The following CHP1 variants were observed in gnomAD, a reference collection of about 807,000 sequenced individuals.
The protein encoded by CHP1 is calcineurin like EF-hand protein 1, also known as calcineurin B homologous protein 1.
Under a neutral mutation model 27.4 loss-of-function variants are expected in CHP1, and 11 were observed. The observed-to-expected ratio is 0.40, with a 90% confidence interval of 0.25 to 0.67. CHP1 has a LOEUF of 0.67. CHP1 is among the 30% of genes least tolerant of loss of function. The probability of loss-of-function intolerance (pLI) is 0.38; values close to 1 mark genes in which losing one functional copy is unlikely to be tolerated. For missense variants in CHP1, 169 were observed against 251.3 expected, an observed-to-expected ratio of 0.67 and a Z score of 2.22; for synonymous variants, 89 against 87.4, an observed-to-expected ratio of 1.02 and a Z score of -0.10.
chr15:41,277,903 C>T (rs2140945168), intron 5 of CHP1, among the ~76,000 whole-genome samples: 1 of 151,934 alleles, frequency 6.6e-6, no homozygotes, highest in Admixed American at 6.5e-5. Context: ...CTGCAGTGAG[C>T]CACATTCGCA....
intron 4 of CHP1, among the ~76,000 whole-genome samples, chr15:41,268,955 G>A (rs2047475461): frequency 6.6e-6 from 1 of 151,910 alleles, no homozygotes. Flanking sequence ...GCAAGACTCT[G>A]TCTCAACAAC....
chr15:41,242,429 C>T (rs2047311375), intron 1 of CHP1, among the ~76,000 whole-genome samples: 1 of 152,178 alleles, frequency 6.6e-6, no homozygotes, highest in South Asian at 2.1e-4. Context: ...CCTGAAACAG[C>T]AAACTGATCA....
intron 3 of CHP1, among the ~76,000 whole-genome samples, chr15:41,262,041 C>T (rs968353297): frequency 4.8e-5 from 7 of 146,548 alleles, no homozygotes; most frequent in Non-Finnish European, 9.0e-5. Context: ...TGGTGGCGGG[C>T]GTCTGTAGTT....
At chr15:41,248,400 G>A (rs2047347160) in intron 2 of CHP1, among the ~76,000 whole-genome samples, 1 of 152,048 alleles carries the variant, frequency 6.6e-6, no homozygotes, top group Admixed American at 6.6e-5. Context: ...AGGTATTCAA[G>A]GTAGCTTGGT....
At chr15:41,238,742 C>T (rs150881880) in intron 1 of CHP1, among the ~76,000 whole-genome samples, 2,157 of 151,536 alleles carry the variant, frequency 0.014, 62 homozygotes, top group African/African-American at 0.05. Flanking sequence ...GTCGCAGCTA[C>T]TCAGGAGGCT....
intron 5 of CHP1, among the ~76,000 whole-genome samples, chr15:41,277,989 A>G (rs1050677070): frequency 5.3e-5 from 8 of 151,710 alleles, no homozygotes; most frequent in Non-Finnish European, 1.2e-4. Context: ...ACTTACATCT[A>G]AACATGGAAA....
In CHP1 at chr15:41,266,730, G is replaced by A. The variant is rs576337824; in HGVS notation, c.350-3827G>A. On this transcript the variant is annotated intron_variant, in intron 4 of 6. Coordinates refer to ENST00000334660, the MANE Select transcript of CHP1 (RefSeq NM_007236.5). ...AAAAGAAAATTCTGAGGCCGGGAGC[G>A]GTGGCTCACACCTGTAATCCCAGCA... Among the ~76,000 whole-genome samples the A allele has an allele frequency of 1.2e-3, 178 of 152,230 alleles. 6 individuals are homozygous for A. The South Asian group carries it at 0.035, about 30-fold the overall frequency.
At chr15:41,278,161 T>A (rs1360362481) in intron 5 of CHP1, among the ~76,000 whole-genome samples, 1 of 151,710 alleles carries the variant, frequency 6.6e-6, no homozygotes, top group Non-Finnish European at 1.5e-5. Flanking sequence ...ACCCCATCTC[T>A]ACTAAAAATA....
chr15:41,242,067 T>C (rs914252405), intron 1 of CHP1, among the ~76,000 whole-genome samples: 6 of 152,218 alleles, frequency 3.9e-5, no homozygotes, highest in Non-Finnish European at 8.8e-5. Flanking sequence ...TGCCTCATTT[T>C]AATTGTCAAC....
At chr15:41,262,725 T>C in intron 3 of CHP1, 31 bp from the exon 4 acceptor site, 1 of 1,608,596 alleles carries the variant, frequency 6.2e-7, no homozygotes, top group Non-Finnish European at 8.5e-7. Flanking sequence ...GTGATTGACA[T>C]GGTGTTGTGT....
intron 1 of CHP1, among the ~76,000 whole-genome samples, chr15:41,236,079 CT>C (rs11292013): frequency 0.49 from 67,511 of 138,240 alleles, 16,866 homozygotes; most frequent in African/African-American, 0.7. Flanking sequence ...ACCCTAAGAA[CT>C]TTTTTTTTTT....
rs1054367859 is a variant in CHP1, at chr15:41,231,323, T to C, written c.-60T>C. On this transcript the variant is annotated 5_prime_UTR_variant, in exon 1 of 7. Coordinates refer to ENST00000334660, the MANE Select transcript of CHP1 (RefSeq NM_007236.5). ...CCCTAGCCCTTCCTTCCCTCCCTCC[T>C]TCCCTCCTGTCGCCGTCTCTTCTGG... 1 of 1,494,630 alleles carries C rather than the reference T, an allele frequency of 6.7e-7. No homozygotes were observed. The highest frequency in any genetic ancestry group is 2.4e-5 in the East Asian group (1 of 41,608). 92.6% of individuals were successfully genotyped at this position (1,494,630 alleles called of 1,614,324 possible).
At chr15:41,244,309 G>A (rs1595472450) in intron 2 of CHP1, among the ~76,000 whole-genome samples, 2 of 151,864 alleles carry the variant, frequency 1.3e-5, no homozygotes, top group Non-Finnish European at 2.9e-5. Flanking sequence ...TTCTAGGAAT[G>A]TATTTTTAAG....
At chr15:41,278,979 A>T in intron 6 of CHP1, 90 bp downstream of exon 6, 1 of 1,516,604 alleles carries the variant, frequency 6.6e-7, no homozygotes. Context: ...TTAGGAGGCC[A>T]AGGTGGGCGG....
chr15:41,271,254 CA>C (rs143070752), intron 5 of CHP1, among the ~76,000 whole-genome samples: 11,760 of 75,638 alleles, frequency 0.16, 689 homozygotes, highest in South Asian at 0.28. Context: ...GATTCCGTCT[CA>C]AAAAAAAAAA....
chr15:41,268,529 C>T (rs1444590911), intron 4 of CHP1, among the ~76,000 whole-genome samples: 1 of 151,864 alleles, frequency 6.6e-6, no homozygotes, highest in Non-Finnish European at 1.5e-5. Flanking sequence ...CCTATAATCC[C>T]AGCTACTCGG....
chr15:41,267,174 TG>T (rs750164081), intron 4 of CHP1, among the ~76,000 whole-genome samples: 1 of 151,984 alleles, frequency 6.6e-6, no homozygotes, highest in Non-Finnish European at 1.5e-5. Context: ...TGCCCAGGGC[TG>T]GGGGATGGTG....
chr15:41,264,274 C>T, intron 4 of CHP1: 1 of 1,163,444 alleles, frequency 8.6e-7, no homozygotes, highest in Non-Finnish European at 1.1e-6. Context: ...CAGTTCAGGT[C>T]AGGAGAGTGC....
chr15:41,257,380 CTCT>C (rs1311513409), intron 3 of CHP1, among the ~76,000 whole-genome samples: 21 of 151,984 alleles, frequency 1.4e-4, no homozygotes, highest in Admixed American at 5.9e-4. Context: ...TTTGTGTGCT[CTCT>C]TCTTAGTAGT....
Sources: allele counts gnomAD v4.1 joint callset (sites outside exome capture counted in the v4.1 genomes callset), GRCh38; gene constraint gnomAD v4.1.1; transcripts MANE v1.5; gene names NCBI Gene and HGNC (gene_info 2026-07-23, HGNC 2026-07-21).